The following ARHGAP18 variants were observed in gnomAD, a reference collection of about 807,000 sequenced individuals.
ARHGAP18 encodes Rho GTPase activating protein 18, also known as rho GTPase-activating protein 18.
A neutral mutation model predicts 86.2 loss-of-function variants in ARHGAP18; 67 were observed. That is an observed-to-expected ratio of 0.78 (90% CI 0.64 to 0.95). The LOEUF is 0.95. Among genes scored for constraint, ARHGAP18 ranks in the 40% least tolerant of loss-of-function variants. The pLI is 0.00. For synonymous variants in ARHGAP18, 283 were observed against 280.4 expected (o/e 1.01, Z -0.09); for missense variants, 691 against 780.4 (o/e 0.89, Z 1.37).
At chr6:129,632,686 C>G (rs1773244677) in intron 4 of ARHGAP18, among the ~76,000 whole-genome samples, 2 of 152,100 alleles carry the variant, frequency 1.3e-5, no homozygotes, top group Admixed American at 1.3e-4. Context: ...ATGCATACAA[C>G]TGAAGAAACA....
intron 14 of ARHGAP18, 51 bp from the exon 15 acceptor site, chr6:129,578,655 C>A: frequency 1.4e-6 from 2 of 1,412,282 alleles, no homozygotes; most frequent in East Asian, 2.4e-5. Flanking sequence ...GATTGGTATG[C>A]AATTTTAAAC....
intron 5 of ARHGAP18, among the ~76,000 whole-genome samples, chr6:129,623,120 G>C (rs112591656): frequency 3.3e-5 from 5 of 151,650 alleles, no homozygotes; most frequent in African/African-American, 1.2e-4. Flanking sequence ...TTTCCCTGGC[G>C]TGTTGCTCTT....
At chr6:129,600,526 A>G (rs1788715379) in intron 11 of ARHGAP18, 116 bp downstream of exon 11, 1 of 812,950 alleles carries the variant, frequency 1.2e-6, no homozygotes, top group East Asian at 2.7e-5. Context: ...ATATGAATAA[A>G]ATGTTTTTAA....
intron 1 of ARHGAP18, among the ~76,000 whole-genome samples, chr6:129,670,404 G>A (rs535818888): frequency 6.6e-6 from 1 of 152,196 alleles, no homozygotes; most frequent in East Asian, 1.9e-4. Flanking sequence ...CGAAGTGGAA[G>A]ATGGAGAAAT....
chr6:129,615,501 A>G (rs551438668), intron 7 of ARHGAP18, among the ~76,000 whole-genome samples: 1 of 152,336 alleles, frequency 6.6e-6, no homozygotes, highest in South Asian at 2.1e-4. Context: ...TGCTGAGCCA[A>G]TTAACTGCAA....
At chr6:129,613,149 T>C (rs1316575145) in intron 7 of ARHGAP18, among the ~76,000 whole-genome samples, 1 of 149,138 alleles carries the variant, frequency 6.7e-6, no homozygotes, top group African/African-American at 2.5e-5. Flanking sequence ...AGGAGAATGG[T>C]GTGAACCCCA....
chr6:129,653,425 A>G (rs977344659), intron 1 of ARHGAP18, among the ~76,000 whole-genome samples: 1 of 152,240 alleles, frequency 6.6e-6, no homozygotes, highest in South Asian at 2.1e-4. Context: ...AAACATTACA[A>G]TGCTCCACTG....
At chr6:129,638,358 T>C (rs1489596309) in intron 3 of ARHGAP18, 36 bp downstream of exon 3, 2 of 1,571,362 alleles carry the variant, frequency 1.3e-6, no homozygotes, top group Non-Finnish European at 1.7e-6. Context: ...TGTAAGCAAT[T>C]ATTCCTTTGC....
intron 1 of ARHGAP18, among the ~76,000 whole-genome samples, chr6:129,673,894 G>A (rs1167484718): frequency 6.6e-6 from 1 of 152,076 alleles, no homozygotes; most frequent in Non-Finnish European, 1.5e-5. Flanking sequence ...TGACAAAATA[G>A]AGAAAGTTTC....
intron 12 of ARHGAP18, among the ~76,000 whole-genome samples, chr6:129,584,929 G>A (rs933238730): frequency 2.0e-5 from 3 of 151,344 alleles, no homozygotes; most frequent in African/African-American, 7.3e-5. Context: ...AGCATCTACT[G>A]AGTACCAGAT....
intron 1 of ARHGAP18, among the ~76,000 whole-genome samples, chr6:129,667,115 T>A (rs75404245): frequency 2.6e-5 from 4 of 152,286 alleles, no homozygotes; most frequent in East Asian, 1.9e-4. Flanking sequence ...TCATTTTTTT[T>A]AATCTAAAGG....
At chr6:129,611,953 A>C (rs1788989167) in intron 7 of ARHGAP18, among the ~76,000 whole-genome samples, 2 of 152,256 alleles carry the variant, frequency 1.3e-5, no homozygotes, top group Admixed American at 1.3e-4. Flanking sequence ...TACATTCTGC[A>C]ATCAAATAAA....
At chr6:129,675,237 C>A (rs1774208956) in intron 1 of ARHGAP18, among the ~76,000 whole-genome samples, 2 of 152,002 alleles carry the variant, frequency 1.3e-5, no homozygotes, top group South Asian at 2.1e-4. Context: ...AGGTGGCTAA[C>A]CCCCTCACCT....
intron 6 of ARHGAP18, among the ~76,000 whole-genome samples, chr6:129,616,782 T>C (rs910186061): frequency 1.5e-4 from 23 of 152,182 alleles, no homozygotes; most frequent in African/African-American, 5.3e-4. Context: ...AGCAAGACTT[T>C]ATCTTTATGA....
chr6:129,683,163 C>T lies in ARHGAP18; in HGVS notation c.113+26861G>A, dbSNP rs141431329. ...CTCGGCTCACTGCAAGCTCCACCTC[C>T]CAGGTTCACACCATTCTCCTGCCTC... is the stretch of plus-strand genomic sequence containing the variant. On this transcript the variant is annotated intron_variant, in intron 1 of 14. Coordinates refer to ENST00000368149, the MANE Select transcript of ARHGAP18 (RefSeq NM_033515.3). 3.5e-3 allele frequency among the ~76,000 whole-genome samples: 533 copies of T among 152,060 alleles called. 1 individual carries two copies. The highest frequency in any genetic ancestry group is 0.012 in the African/African-American group (513 of 41,476).
chr6:129,708,988 ACT>A (rs1199281443), intron 1 of ARHGAP18, among the ~76,000 whole-genome samples: 16 of 152,198 alleles, frequency 1.1e-4, no homozygotes, highest in Non-Finnish European at 2.2e-4. Context: ...GGAGTCTAAC[ACT>A]GAGTATTACA....
In ARHGAP18 at chr6:129,607,897, G is replaced by A. The variant is rs778718760; in HGVS notation, c.1278C>T (p.Val426=). 6.2e-7 allele frequency: 1 copy of A among 1,601,876 alleles called. No individual in the cohort carries two copies. The highest frequency in any genetic ancestry group is 1.1e-5 in the South Asian group (1 of 88,172). The change falls in exon 9 of 15, where the codon GTC becomes GTT. Residue 426 remains valine (V), a synonymous_variant. Coordinates refer to ENST00000368149, the MANE Select transcript of ARHGAP18 (RefSeq NM_033515.3). ...SVEYLKAFQA[V]QNLPTKKQQL... Reference sequence around the variant, plus strand: ...TCAAAGAGGGATAGCACTTACTCTGGACAGCCTGAAAGGCTTTGAGATACT... The same window carrying A: ...TCAAAGAGGGATAGCACTTACTCTGAACAGCCTGAAAGGCTTTGAGATACT...
chr6:129,644,307 A>AT (rs1301391771), intron 1 of ARHGAP18, among the ~76,000 whole-genome samples: 4 of 152,068 alleles, frequency 2.6e-5, no homozygotes, highest in African/African-American at 9.7e-5. Flanking sequence ...CATAGCCAGT[A>AT]TTTTTCTTGT....
intron 5 of ARHGAP18, among the ~76,000 whole-genome samples, chr6:129,620,212 C>G (rs1407431913): frequency 6.6e-6 from 1 of 152,126 alleles, no homozygotes; most frequent in Non-Finnish European, 1.5e-5. Flanking sequence ...ATACACATAG[C>G]CTGAAGGCAA....
Sources: gnomAD v4.1 joint callset for allele counts (sites outside exome capture counted in the v4.1 genomes callset) on GRCh38, gnomAD v4.1.1 for gene constraint, MANE v1.5 for transcripts, NCBI Gene and HGNC (gene_info 2026-07-23, HGNC 2026-07-21) for gene names.